Variants in L3MBTL4 observed in about 807,000 individuals in gnomAD.
L3MBTL4 encodes L3MBTL histone methyl-lysine binding protein 4, also known as lethal(3)malignant brain tumor-like protein 4.
In L3MBTL4, 70 loss-of-function variants were observed where a neutral mutation model predicts 84.5. That is an observed-to-expected ratio of 0.83 (90% CI 0.68 to 1.01). The LOEUF (loss-of-function observed/expected upper bound fraction) is 1.01, where lower values mean the gene tolerates loss of function less well. L3MBTL4 is among the 50% of genes least tolerant of loss of function. L3MBTL4 has a pLI of 0.00. For synonymous variants in L3MBTL4, 274 were observed against 259.8 expected (o/e 1.05, Z -0.52); for missense variants, 715 against 754.8 (o/e 0.95, Z 0.62).
intron 16 of L3MBTL4, among the ~76,000 whole-genome samples, chr18:5,971,741 G>A (rs571113936): frequency 6.6e-6 from 1 of 152,270 alleles, no homozygotes; most frequent in Admixed American, 6.5e-5. Flanking sequence ...CAGACTCTTG[G>A]AAAGACACCT....
At chr18:5,996,615 A>C (rs780551716) in intron 16 of L3MBTL4, among the ~76,000 whole-genome samples, 6 of 152,160 alleles carry the variant, frequency 3.9e-5, no homozygotes, top group Non-Finnish European at 5.9e-5. Flanking sequence ...TGAAGCTCAG[A>C]GAAGCTTTTC....
intron 5 of L3MBTL4, among the ~76,000 whole-genome samples, chr18:6,254,760 A>G (rs2146278231): frequency 6.6e-6 from 1 of 152,276 alleles, no homozygotes; most frequent in East Asian, 1.9e-4. Flanking sequence ...TAGAATTTCA[A>G]TTGCAAAATC....
chr18:6,244,049 T>C (rs1423453488), intron 6 of L3MBTL4, among the ~76,000 whole-genome samples: 1 of 152,220 alleles, frequency 6.6e-6, no homozygotes, highest in African/African-American at 2.4e-5. Flanking sequence ...TTACATTTTA[T>C]AAGCCATTCA....
At chr18:6,401,481 G>A (rs1017718156) in intron 1 of L3MBTL4, among the ~76,000 whole-genome samples, 13 of 152,094 alleles carry the variant, frequency 8.5e-5, no homozygotes, top group African/African-American at 1.7e-4. Flanking sequence ...CCCAAACCAC[G>A]AAAAGTGCAC....
At chr18:6,069,477 CA>C (rs1395915571) in intron 16 of L3MBTL4, among the ~76,000 whole-genome samples, 1 of 151,946 alleles carries the variant, frequency 6.6e-6, no homozygotes, top group Non-Finnish European at 1.5e-5. Context: ...TAAAGTTCCC[CA>C]AAGTTTATGT....
At position 6,384,655 on chromosome 18, in the gene L3MBTL4, G is replaced by C. The variant is rs143002152; in HGVS notation, c.-91+30146C>G. Among the ~76,000 whole-genome samples the C allele has an allele frequency of 1.8e-4, 28 of 152,324 alleles. No individual in the cohort carries two copies. In the East Asian group the frequency reaches 3.5e-3, roughly 19 times the overall value. On this transcript the variant is annotated intron_variant, in intron 1 of 18. Coordinates refer to ENST00000317931, the MANE Select transcript of L3MBTL4 (RefSeq NM_001330559.2). ...AAAGTGGATTCTAATTCCCCACCCT[G>C]TTCTGAATATAGGCCAAACTCAGTG... is the stretch of plus-strand genomic sequence containing the variant.
chr18:6,268,264 G>C (rs757160167), intron 4 of L3MBTL4, among the ~76,000 whole-genome samples: 1 of 152,080 alleles, frequency 6.6e-6, no homozygotes, highest in African/African-American at 2.4e-5. Flanking sequence ...AAAATTAGCC[G>C]GGCATAGTGA....
At chr18:5,958,128 AAAAAGAAG>A (rs2095242310) in intron 18 of L3MBTL4, among the ~76,000 whole-genome samples, 5 of 44,476 alleles carry the variant, frequency 1.1e-4, no homozygotes, top group Admixed American at 2.3e-4. Flanking sequence ...GAAGAAGAAG[AAAAAGAAG>A]AAGAAGAAGA....
Position 5,958,118 on chromosome 18 carries a change from GAAGAAGAAGAAA to G in L3MBTL4, c.1678-1743_1678-1732del, listed in dbSNP as rs1241506260. ...AGAAGAAGAAGAAGAAGAAGAAGAA[GAAGAAGAAGAAA>G]AAGAAGAAGAAGAAGAAGAAGAAGA... On this transcript the variant is annotated intron_variant, in intron 18 of 18. Transcript: ENST00000317931. Among the ~76,000 whole-genome samples, 604 of 64,746 alleles carry G rather than the reference GAAGAAGAAGAAA, an allele frequency of 9.3e-3. 11 individuals are homozygous for G. The highest frequency in any genetic ancestry group is 0.026 in the African/African-American group (436 of 16,674). 42.5% of individuals were successfully genotyped at this position (64,746 alleles called of 152,430 possible). A position where few individuals can be genotyped will look rare whatever the true frequency, so the allele number is the denominator to read the frequency against.
intron 12 of L3MBTL4, among the ~76,000 whole-genome samples, chr18:6,197,508 T>C (rs1337972551): frequency 1.3e-5 from 2 of 152,234 alleles, no homozygotes; most frequent in Non-Finnish European, 2.9e-5. Flanking sequence ...TTTTCCAGTC[T>C]ATCATTGATG....
chr18:6,001,334 T>A (rs893761206), intron 16 of L3MBTL4, among the ~76,000 whole-genome samples: 1 of 152,122 alleles, frequency 6.6e-6, no homozygotes, highest in Admixed American at 6.5e-5. Flanking sequence ...AGCAATAACA[T>A]ATACAAGGGA....
At chr18:6,043,074 C>G (rs1281051902) in intron 16 of L3MBTL4, among the ~76,000 whole-genome samples, 1 of 152,140 alleles carries the variant, frequency 6.6e-6, no homozygotes, top group Admixed American at 6.6e-5. Context: ...GTCTCACACC[C>G]CCATTATCCA....
chr18:6,054,873 C>G (rs192479773), intron 16 of L3MBTL4, among the ~76,000 whole-genome samples: 1 of 152,256 alleles, frequency 6.6e-6, no homozygotes, highest in Non-Finnish European at 1.5e-5. Context: ...TGGCACCACA[C>G]AACTGGGCTT....
At chr18:6,071,761 A>AAAAGAAGAAAGAAAG (rs2057638257) in intron 16 of L3MBTL4, among the ~76,000 whole-genome samples, 1 of 92,156 alleles carries the variant, frequency 1.1e-5, no homozygotes, top group Non-Finnish European at 2.1e-5. Flanking sequence ...AAGAAAGAAA[A>AAAAGAAGAAAGAAAG]AAAGAAAGAA....
intron 16 of L3MBTL4, among the ~76,000 whole-genome samples, chr18:6,026,166 T>C (rs574331573): frequency 6.6e-6 from 1 of 152,264 alleles, no homozygotes; most frequent in Admixed American, 6.5e-5. Context: ...AATATAAAAA[T>C]AGGACATCAT....
At chr18:6,013,272 A>C (rs1301124773) in intron 16 of L3MBTL4, among the ~76,000 whole-genome samples, 1 of 152,094 alleles carries the variant, frequency 6.6e-6, no homozygotes, top group Non-Finnish European at 1.5e-5. Context: ...CATCATAGTG[A>C]AGGGAAGACT....
chr18:6,194,317 G>A (rs983660003), intron 12 of L3MBTL4, among the ~76,000 whole-genome samples: 7 of 152,180 alleles, frequency 4.6e-5, no homozygotes, highest in South Asian at 2.1e-4. Flanking sequence ...CCCACAGGGC[G>A]TGGCGATGGT....
At chr18:6,002,533 C>A (rs1303732216) in intron 16 of L3MBTL4, among the ~76,000 whole-genome samples, 1 of 151,986 alleles carries the variant, frequency 6.6e-6, no homozygotes, top group Non-Finnish European at 1.5e-5. Flanking sequence ...ATTTGTGATA[C>A]AAGTAACTGA....
intron 4 of L3MBTL4, among the ~76,000 whole-genome samples, chr18:6,268,193 G>A (rs528435844): frequency 1.3e-5 from 2 of 152,282 alleles, no homozygotes; most frequent in South Asian, 4.1e-4. Context: ...ATCACCTGAG[G>A]TCAGGAGTTC....
Sources: gnomAD v4.1 joint callset for allele counts (sites outside exome capture counted in the v4.1 genomes callset) on GRCh38, gnomAD v4.1.1 for gene constraint, MANE v1.5 for transcripts, NCBI Gene and HGNC (gene_info 2026-07-23, HGNC 2026-07-21) for gene names.